The following LINGO2 variants were observed in gnomAD, a reference collection of about 807,000 sequenced individuals.
LINGO2 encodes the protein leucine rich repeat and Ig domain containing 2, also known as leucine-rich repeat and immunoglobulin-like domain-containing nogo receptor-interacting protein 2.
LINGO2 carries 14 observed loss-of-function variants against 30.6 expected under a neutral mutation model. That is an observed-to-expected ratio of 0.46 (90% CI 0.30 to 0.72). The LOEUF (loss-of-function observed/expected upper bound fraction) is 0.72. Among genes scored for constraint, LINGO2 ranks in the 30% least tolerant of loss-of-function variants. The pLI is 0.07. For synonymous variants in LINGO2, 317 were observed against 288.5 expected (o/e 1.10, Z -1.00); for missense variants, 729 against 751.7 (o/e 0.97, Z 0.35).
chr9:28,707,735 G>C, the LINGO2 span, among the ~76,000 whole-genome samples: 1 of 152,020 alleles, frequency 6.6e-6, no homozygotes, highest in Non-Finnish European at 1.5e-5. Context: ...GAATACCTTA[G>C]GGGGCTGTAT....
chr9:28,968,750 T>C, the LINGO2 span, among the ~76,000 whole-genome samples: 3 of 152,166 alleles, frequency 2.0e-5, no homozygotes, highest in African/African-American at 7.2e-5. Context: ...AACAAAGAAT[T>C]ATCTTCATGT....
chr9:28,183,583 A>G (rs1819435829), intron 4 of LINGO2, among the ~76,000 whole-genome samples: 1 of 152,144 alleles, frequency 6.6e-6, no homozygotes, highest in Admixed American at 6.5e-5. Context: ...TAACACCACA[A>G]TGGCAGAGTT....
intron 4 of LINGO2, among the ~76,000 whole-genome samples, chr9:28,096,414 T>A (rs1271717867): frequency 1.3e-5 from 2 of 152,172 alleles, no homozygotes; most frequent in Non-Finnish European, 2.9e-5. Context: ...TCATGAACAC[T>A]TAGCAGTGGA....
At chr9:28,426,465 A>C (rs1823417790) in intron 2 of LINGO2, among the ~76,000 whole-genome samples, 1 of 152,126 alleles carries the variant, frequency 6.6e-6, no homozygotes, top group East Asian at 1.9e-4. Context: ...TTGGAAGGTA[A>C]AAAGGATGAA....
the LINGO2 span, among the ~76,000 whole-genome samples, chr9:28,701,458 T>C: frequency 1.3e-5 from 2 of 152,006 alleles, no homozygotes; most frequent in African/African-American, 4.8e-5. Flanking sequence ...AAAGATCAGT[T>C]GACTATATTT....
At chr9:29,098,752 T>G in the LINGO2 span, among the ~76,000 whole-genome samples, 1 of 152,260 alleles carries the variant, frequency 6.6e-6, no homozygotes, top group East Asian at 1.9e-4. Flanking sequence ...TTGATACTTT[T>G]TATGAGGATA....
chr9:29,060,284 A>G, the LINGO2 span, among the ~76,000 whole-genome samples: 1 of 151,984 alleles, frequency 6.6e-6, no homozygotes, highest in Admixed American at 6.6e-5. Context: ...AAAAAGAAAA[A>G]AGCTAAAAAA....
chr9:28,866,107 C>T, the LINGO2 span, among the ~76,000 whole-genome samples: 1 of 152,076 alleles, frequency 6.6e-6, no homozygotes. Context: ...AATTTTCCCA[C>T]ATTTTCTGTC....
chr9:28,993,951 G>C, the LINGO2 span, among the ~76,000 whole-genome samples: 136,384 of 150,466 alleles, frequency 0.91, 61,981 homozygotes, highest in Non-Finnish European at 0.93. Flanking sequence ...CCTTTGAAAA[G>C]TGGCACAAGA....
At chr9:28,581,213 TAAGAAAACA>T (rs1824241869) in intron 1 of LINGO2, among the ~76,000 whole-genome samples, 1 of 151,862 alleles carries the variant, frequency 6.6e-6, no homozygotes, top group Non-Finnish European at 1.5e-5. Flanking sequence ...TTTCTTACAG[TAAGAAAACA>T]TTGTGTGCAT....
chr9:28,743,110 A>G, the LINGO2 span, among the ~76,000 whole-genome samples: 4 of 152,034 alleles, frequency 2.6e-5, no homozygotes, highest in Admixed American at 2.6e-4. Flanking sequence ...CAAGTCTGCT[A>G]GCAATGGATT....
the LINGO2 span, among the ~76,000 whole-genome samples, chr9:28,916,234 C>T: frequency 1.3e-5 from 2 of 152,204 alleles, no homozygotes; most frequent in South Asian, 2.1e-4. Flanking sequence ...AAGTATTTCA[C>T]CCCCGAATTT....
Position 28,129,248 on chromosome 9 carries a change from T to C in LINGO2, c.-86-116843A>G, listed in dbSNP as rs1427398389. 6.6e-6 allele frequency among the ~76,000 whole-genome samples: 1 copy of C among 152,062 alleles called. No homozygotes were observed. Among genetic ancestry groups the C allele is most frequent in the East Asian group, 1.9e-4 (1 of 5,194 alleles). On this transcript the variant is annotated intron_variant, in intron 4 of 5. Coordinates refer to ENST00000379992, the Ensembl canonical transcript of LINGO2. This position sits in a 1 kb window ranked among gnomAD's most constrained non-coding sequence, Gnocchi z 4.0. ...GGACTTCACCTGGTAATCGTGGGAG[T>C]CAATTCTCCTTAATAAACTCCTTTT...
chr9:28,965,095 A>T, the LINGO2 span, among the ~76,000 whole-genome samples: 4 of 151,976 alleles, frequency 2.6e-5, no homozygotes, highest in African/African-American at 7.2e-5. Context: ...TTATGCATCA[A>T]ATGGTAAAGA....
the LINGO2 span, among the ~76,000 whole-genome samples, chr9:28,842,876 T>C: frequency 6.6e-6 from 1 of 151,926 alleles, no homozygotes; most frequent in Admixed American, 6.5e-5. Flanking sequence ...TGAGATGAAA[T>C]AGGCAATAAT....
intron 1 of LINGO2, among the ~76,000 whole-genome samples, chr9:28,555,676 C>A (rs555236647): frequency 6.6e-6 from 1 of 151,916 alleles, no homozygotes; most frequent in Non-Finnish European, 1.5e-5. Flanking sequence ...ATACCAAAGC[C>A]GGGCCGAGAC....
At chr9:28,863,075 T>C in the LINGO2 span, among the ~76,000 whole-genome samples, 1 of 152,126 alleles carries the variant, frequency 6.6e-6, no homozygotes, top group African/African-American at 2.4e-5. Flanking sequence ...CTAATTTTAA[T>C]ATATGCCATC....
chr9:28,240,393 G>A, intron 4 of LINGO2, among the ~76,000 whole-genome samples: 1 of 152,134 alleles, frequency 6.6e-6, no homozygotes, highest in East Asian at 1.9e-4. Flanking sequence ...CAGAGCTATA[G>A]TAACCAAAAC....
the LINGO2 span, among the ~76,000 whole-genome samples, chr9:29,043,338 T>G: frequency 6.6e-6 from 1 of 151,994 alleles, no homozygotes; most frequent in Admixed American, 6.6e-5. Context: ...GAAAGTAACT[T>G]AGAATATCTT....
Sources: allele counts gnomAD v4.1 joint callset (sites outside exome capture counted in the v4.1 genomes callset), GRCh38; gene constraint gnomAD v4.1.1; non-coding constraint Gnocchi (gnomAD v3.1); transcripts MANE v1.5; gene names NCBI Gene and HGNC (gene_info 2026-07-23, HGNC 2026-07-21).